The following SEMA3E variants were observed in gnomAD, a reference collection of about 807,000 sequenced individuals.
The protein encoded by SEMA3E is semaphorin-3E.
In SEMA3E, 49 loss-of-function variants were observed where a neutral mutation model predicts 93.6. That is an observed-to-expected ratio of 0.52 (90% CI 0.42 to 0.66). The LOEUF (loss-of-function observed/expected upper bound fraction) is 0.66, where lower values mean the gene tolerates loss of function less well. SEMA3E is among the 30% of genes least tolerant of loss of function. The probability of loss-of-function intolerance (pLI) is 0.00; values close to 1 mark genes in which losing one functional copy is unlikely to be tolerated. For synonymous variants in SEMA3E, 363 were observed against 330.7 expected (o/e 1.10, Z -1.06); for missense variants, 906 against 964.8 (o/e 0.94, Z 0.81).
chr7:83,509,866 T>G (rs149206477), intron 1 of SEMA3E, among the ~76,000 whole-genome samples: 22 of 152,328 alleles, frequency 1.4e-4, no homozygotes, highest in Non-Finnish European at 2.4e-4. Flanking sequence ...ACATAGTATT[T>G]ACTTAGTCCC....
At chr7:83,430,421 C>T (rs544585791) in intron 4 of SEMA3E, among the ~76,000 whole-genome samples, 23 of 151,896 alleles carry the variant, frequency 1.5e-4, no homozygotes, top group Admixed American at 1.4e-3. Flanking sequence ...GCCAAAATCC[C>T]GCCACTGCAC....
intron 1 of SEMA3E, among the ~76,000 whole-genome samples, chr7:83,615,790 G>A (rs1181998683): frequency 6.6e-6 from 1 of 152,184 alleles, no homozygotes; most frequent in East Asian, 1.9e-4. Flanking sequence ...GAAGAAGCGT[G>A]GGGGAGTTAC....
intron 1 of SEMA3E, among the ~76,000 whole-genome samples, chr7:83,593,789 C>G (rs1228136619): frequency 1.3e-5 from 2 of 151,974 alleles, no homozygotes; most frequent in Admixed American, 6.6e-5. Context: ...TTCGGATGTA[C>G]AGATATGTAT....
Position 83,618,229 on chromosome 7 carries a change from GA to G in SEMA3E, c.115+30198del, listed in dbSNP as rs201335215. ...AGTAGCTACTGTTTTACTTGTAGTT[GA>G]AAAAATTGATGTTGATGAAGGTTAA... On this transcript the variant is annotated intron_variant, in intron 1 of 16. Transcript: ENST00000643230. Among the ~76,000 whole-genome samples, 662 of 152,058 alleles carry G rather than the reference GA, an allele frequency of 4.4e-3. 3 individuals are homozygous for G. The highest frequency in any genetic ancestry group is 0.015 in the African/African-American group (622 of 41,526).
Position 83,565,639 on chromosome 7 carries a change from G to C in SEMA3E, c.116-75365C>G, listed in dbSNP as rs553275471. The stretch of plus-strand genomic sequence containing the variant: ...TATCAATTTGTAGATGGAGTATTCA[G>C]AACATATATTTAATATACAAACTTA... On this transcript the variant is annotated intron_variant, in intron 1 of 16. Coordinates refer to ENST00000643230, the MANE Select transcript of SEMA3E (RefSeq NM_012431.3). Among the ~76,000 whole-genome samples the C allele has an allele frequency of 4.6e-5, 7 of 152,318 alleles. No individual in the cohort carries two copies. In the East Asian group the frequency reaches 1.3e-3, roughly 29 times the overall value.
At chr7:83,544,676 C>A (rs995343020) in intron 1 of SEMA3E, among the ~76,000 whole-genome samples, 6 of 151,864 alleles carry the variant, frequency 4.0e-5, no homozygotes, top group African/African-American at 1.5e-4. Context: ...ACATCGTTTC[C>A]CTAAAGACAT....
At chr7:83,623,256 C>T (rs1222013516) in intron 1 of SEMA3E, among the ~76,000 whole-genome samples, 1 of 151,884 alleles carries the variant, frequency 6.6e-6, no homozygotes, top group South Asian at 2.1e-4. Context: ...TAGAAACAAC[C>T]AAAATTGCCT....
chr7:83,474,909 T>A (rs1436703320), intron 2 of SEMA3E, among the ~76,000 whole-genome samples: 1 of 152,130 alleles, frequency 6.6e-6, no homozygotes, highest in African/African-American at 2.4e-5. Context: ...GGAATTATTA[T>A]TTTACTGTGG....
intron 1 of SEMA3E, among the ~76,000 whole-genome samples, chr7:83,562,115 C>T (rs1285569140): frequency 2.0e-5 from 3 of 152,018 alleles, no homozygotes; most frequent in South Asian, 4.1e-4. Context: ...GAAATGAAAA[C>T]CTTTCAAAGG....
intron 2 of SEMA3E, among the ~76,000 whole-genome samples, chr7:83,480,397 C>T (rs1436050901): frequency 6.6e-6 from 1 of 152,100 alleles, no homozygotes; most frequent in Non-Finnish European, 1.5e-5. Context: ...CACTGTACTC[C>T]AGCCTGGGTG....
At chr7:83,590,081 T>C (rs1311904692) in intron 1 of SEMA3E, among the ~76,000 whole-genome samples, 1 of 152,182 alleles carries the variant, frequency 6.6e-6, no homozygotes, top group East Asian at 1.9e-4. Flanking sequence ...TGTTGTATAC[T>C]ACATTGCTAG....
At chr7:83,372,975 GT>G (rs947307839) in intron 16 of SEMA3E, 11 of 152,104 alleles carry the variant, frequency 7.2e-5, no homozygotes, top group African/African-American at 2.4e-4. Context: ...ATCCATCTGT[GT>G]TTTTTTCTAC....
chr7:83,438,206 T>G (rs767152712), intron 4 of SEMA3E, among the ~76,000 whole-genome samples: 2 of 152,170 alleles, frequency 1.3e-5, no homozygotes, highest in Non-Finnish European at 2.9e-5. Context: ...TCAAATTTAA[T>G]GTGATAGAAA....
At chr7:83,566,120 C>T (rs1354741614) in intron 1 of SEMA3E, among the ~76,000 whole-genome samples, 4 of 150,944 alleles carry the variant, frequency 2.6e-5, no homozygotes, top group Admixed American at 1.3e-4. Context: ...GCCTCAGCCT[C>T]CTGAGTAGCT....
chr7:83,438,691 GA>G (rs1466671845), intron 4 of SEMA3E, among the ~76,000 whole-genome samples: 4 of 150,926 alleles, frequency 2.7e-5, no homozygotes, highest in South Asian at 2.1e-4. Flanking sequence ...CGGTCTCTTA[GA>G]AAAAAAATAT....
At chr7:83,545,652 T>C (rs1441216086) in intron 1 of SEMA3E, among the ~76,000 whole-genome samples, 2 of 150,656 alleles carry the variant, frequency 1.3e-5, no homozygotes, top group Non-Finnish European at 3.0e-5. Context: ...GTTAAGGACA[T>C]TTGACAGGGC....
intron 6 of SEMA3E, among the ~76,000 whole-genome samples, chr7:83,407,767 T>C (rs147132711): frequency 6.4e-4 from 98 of 152,310 alleles, no homozygotes; most frequent in Non-Finnish European, 1.1e-3. Flanking sequence ...TGAATAAATG[T>C]TCTTTGATAT....
chr7:83,573,276 TTATTA>T (rs1792324593), intron 1 of SEMA3E, among the ~76,000 whole-genome samples: 1 of 152,010 alleles, frequency 6.6e-6, no homozygotes, highest in South Asian at 2.1e-4. Flanking sequence ...CATTTTTATT[TTATTA>T]TTTTATTTAT....
intron 1 of SEMA3E, among the ~76,000 whole-genome samples, chr7:83,545,871 ATATAT>A (rs1238621149): frequency 2.9e-5 from 4 of 139,384 alleles, no homozygotes; most frequent in Admixed American, 7.3e-5. Context: ...ATATAACATT[ATATAT>A]TATATATCAT....
Sources: gnomAD v4.1 joint callset for allele counts (sites outside exome capture counted in the v4.1 genomes callset) on GRCh38, gnomAD v4.1.1 for gene constraint, MANE v1.5 for transcripts, NCBI Gene and HGNC (gene_info 2026-07-23, HGNC 2026-07-21) for gene names.